Variants in NTNG1 observed in about 807,000 individuals in gnomAD.
NTNG1 encodes the protein netrin G1.
In NTNG1, 16 loss-of-function variants were observed where a neutral mutation model predicts 54.0. That is an observed-to-expected ratio of 0.30 (90% CI 0.20 to 0.45). NTNG1 has a LOEUF of 0.45. Ranked by LOEUF, NTNG1 falls within the 20% of genes least tolerant of loss-of-function variation. The pLI is 1.00. For synonymous variants in NTNG1, 255 were observed against 263.1 expected (o/e 0.97, Z 0.30); for missense variants, 530 against 678.7 (o/e 0.78, Z 2.43).
chr1:107,269,737 T>C (rs1339755416), intron 2 of NTNG1, among the ~76,000 whole-genome samples: 3 of 152,252 alleles, frequency 2.0e-5, no homozygotes, highest in Non-Finnish European at 2.9e-5. Flanking sequence ...TTCTTATGGT[T>C]GTAAACTTGG....
intron 2 of NTNG1, among the ~76,000 whole-genome samples, chr1:107,215,743 C>T (rs1270647581): frequency 1.3e-5 from 2 of 151,846 alleles, no homozygotes; most frequent in African/African-American, 4.8e-5. Context: ...TGGTCATTTT[C>T]ACAATATTGA....
At chr1:107,191,506 C>T (rs547285120) in intron 2 of NTNG1, among the ~76,000 whole-genome samples, 1,886 of 152,200 alleles carry the variant, frequency 0.012, 33 homozygotes, top group Admixed American at 0.053. Flanking sequence ...CTTGCCCATG[C>T]CTATGTCCTC....
intron 3 of NTNG1, among the ~76,000 whole-genome samples, chr1:107,325,853 A>G (rs954479495): frequency 2.6e-5 from 4 of 152,140 alleles, no homozygotes; most frequent in African/African-American, 9.7e-5. Flanking sequence ...AGGCCAAGAT[A>G]TCTTTAAATT....
chr1:107,395,115 C>A (rs754078771), intron 3 of NTNG1, 39 bp from the exon 4 acceptor site: 2 of 1,578,966 alleles, frequency 1.3e-6, no homozygotes, highest in South Asian at 2.3e-5. Flanking sequence ...CCAAGACCAA[C>A]TTATCTGACA....
At chr1:107,424,580 A>T (rs1046300625) in intron 5 of NTNG1, among the ~76,000 whole-genome samples, 1 of 152,082 alleles carries the variant, frequency 6.6e-6, no homozygotes, top group African/African-American at 2.4e-5. Context: ...AGGGCTGATG[A>T]TGCGTCTGAG....
chr1:107,321,727 C>T (rs114505499), intron 2 of NTNG1, among the ~76,000 whole-genome samples: 3 of 152,112 alleles, frequency 2.0e-5, no homozygotes, highest in Non-Finnish European at 4.4e-5. Flanking sequence ...TTCATTAGGA[C>T]TCTCCAAGAC....
intron 3 of NTNG1, among the ~76,000 whole-genome samples, chr1:107,364,412 G>T (rs1045465218): frequency 1.3e-5 from 2 of 152,158 alleles, no homozygotes; most frequent in African/African-American, 2.4e-5. Flanking sequence ...ACACTGCAGT[G>T]AAGACCTTCA....
At chr1:107,157,984 A>G (rs1318832575) in intron 2 of NTNG1, among the ~76,000 whole-genome samples, 1 of 152,084 alleles carries the variant, frequency 6.6e-6, no homozygotes, top group Non-Finnish European at 1.5e-5. Context: ...TTGGTGGTAG[A>G]GACATAATCT....
chr1:107,430,161 A>G (rs1313757713), intron 5 of NTNG1, among the ~76,000 whole-genome samples: 1 of 152,184 alleles, frequency 6.6e-6, no homozygotes, highest in African/African-American at 2.4e-5. Flanking sequence ...AGGCTTAAGA[A>G]AGCCATCTTC....
chr1:107,339,124 A>AG (rs1284385303), intron 3 of NTNG1, among the ~76,000 whole-genome samples: 2 of 151,934 alleles, frequency 1.3e-5, no homozygotes, highest in Non-Finnish European at 2.9e-5. Context: ...TTATGGATGG[A>AG]GGAATATAAG....
At position 107,385,051 on chromosome 1, in the gene NTNG1, C is replaced by T. The variant is rs539239779; in HGVS notation, c.888-10103C>T. On this transcript the variant is annotated intron_variant, in intron 3 of 7. Transcript: ENST00000370068. ...TCAGGATCAGGCCAGGCACACTTGA[C>T]ATTTCATGATCTAGGCTTTTGCTGT... 2.0e-5 allele frequency among the ~76,000 whole-genome samples: 3 copies of T among 152,198 alleles called. No individual in the cohort carries two copies. In the South Asian group the frequency reaches 6.2e-4, roughly 32 times the overall value.
At chr1:107,392,528 G>A (rs1197144981) in intron 3 of NTNG1, among the ~76,000 whole-genome samples, 3 of 152,176 alleles carry the variant, frequency 2.0e-5, no homozygotes, top group East Asian at 1.9e-4. Flanking sequence ...GAGTGTCAGG[G>A]GAGAGGGAGT....
chr1:107,469,543 C>A (rs1396849997), intron 7 of NTNG1, among the ~76,000 whole-genome samples: 1 of 152,100 alleles, frequency 6.6e-6, no homozygotes, highest in Non-Finnish European at 1.5e-5. Context: ...AGTGCAGTGG[C>A]ACAATGTCAA....
chr1:107,379,391 A>G (rs1671503485), intron 3 of NTNG1, among the ~76,000 whole-genome samples: 1 of 152,208 alleles, frequency 6.6e-6, no homozygotes, highest in African/African-American at 2.4e-5. Context: ...AGGATCAGGG[A>G]TCAACAGTGG....
rs187887847 is a variant in NTNG1, at chr1:107,233,597, C to G, written c.246+84758C>G. 3.9e-5 allele frequency among the ~76,000 whole-genome samples: 6 copies of G among 152,228 alleles called. No individual in the cohort carries two copies. The South Asian group carries it at 6.2e-4, about 16-fold the overall frequency. ...AAACATTCAGCATGGTGGTCAAGTT[C>G]TTTTAGTGAGTTCCCCGCCGATCAT... On this transcript the variant is annotated intron_variant, in intron 2 of 7. Transcript: ENST00000370068.
At chr1:107,370,851 A>G (rs989802269) in intron 3 of NTNG1, among the ~76,000 whole-genome samples, 2 of 152,132 alleles carry the variant, frequency 1.3e-5, no homozygotes, top group African/African-American at 4.8e-5. Flanking sequence ...TTATGCTAGT[A>G]TAAATGCTAT....
chr1:107,437,727 TAA>T (rs1176791026), intron 7 of NTNG1, among the ~76,000 whole-genome samples: 7 of 152,168 alleles, frequency 4.6e-5, no homozygotes, highest in African/African-American at 7.2e-5. Context: ...TCAAATTATA[TAA>T]GATACTATTA....
intron 2 of NTNG1, among the ~76,000 whole-genome samples, chr1:107,204,293 CTCT>C (rs1659005060): frequency 6.6e-6 from 1 of 152,140 alleles, no homozygotes; most frequent in Non-Finnish European, 1.5e-5. Flanking sequence ...GAATCCCTGT[CTCT>C]TCTTTAATTT....
At chr1:107,216,835 G>A (rs769182042) in intron 2 of NTNG1, among the ~76,000 whole-genome samples, 3 of 151,840 alleles carry the variant, frequency 2.0e-5, no homozygotes, top group African/African-American at 7.3e-5. Flanking sequence ...GTACCACCAC[G>A]ACCAGCTTAA....
Sources: allele counts gnomAD v4.1 joint callset (sites outside exome capture counted in the v4.1 genomes callset), GRCh38; gene constraint gnomAD v4.1.1; transcripts MANE v1.5; gene names NCBI Gene and HGNC (gene_info 2026-07-23, HGNC 2026-07-21).